The following SLC24A3 variants were observed in gnomAD, a reference collection of about 807,000 sequenced individuals.
SLC24A3 encodes sodium/potassium/calcium exchanger 3.
In SLC24A3, 28 loss-of-function variants were observed where a neutral mutation model predicts 75.8. That is an observed-to-expected ratio of 0.37 (90% CI 0.27 to 0.51). SLC24A3 has a LOEUF of 0.51. Among genes scored for constraint, SLC24A3 ranks in the 20% least tolerant of loss-of-function variants. SLC24A3 has a pLI of 0.94. For synonymous variants in SLC24A3, 372 were observed against 334.1 expected (o/e 1.11, Z -1.24); for missense variants, 663 against 847.8 (o/e 0.78, Z 2.71).
At chr20:19,411,889 T>C (rs1259641931) in intron 2 of SLC24A3, among the ~76,000 whole-genome samples, 1 of 152,150 alleles carries the variant, frequency 6.6e-6, no homozygotes, top group Admixed American at 6.5e-5. Flanking sequence ...TGAACTTCCT[T>C]TGTGTTCATC....
chr20:19,370,527 A>C (rs917861617), intron 2 of SLC24A3, among the ~76,000 whole-genome samples: 1 of 152,248 alleles, frequency 6.6e-6, no homozygotes, highest in African/African-American at 2.4e-5. Flanking sequence ...TATGGCTTGA[A>C]GCCAGACAGT....
rs191968020 is a variant in SLC24A3, at chr20:19,616,217, T to C, written c.612+30673T>C. Among the ~76,000 whole-genome samples, 52 of 152,292 alleles carry C rather than the reference T, an allele frequency of 3.4e-4. 1 individual carries two copies. In the East Asian group the frequency reaches 9.7e-3, roughly 28 times the overall value. On this transcript the variant is annotated intron_variant, in intron 6 of 16. Coordinates refer to ENST00000328041, the MANE Select transcript of SLC24A3 (RefSeq NM_020689.4). The stretch of plus-strand genomic sequence containing the variant: ...ATACCACTGCCTCTGTGTCAGTGGA[T>C]GTGGGCCTTCCAGGAAGGGTGTGAT...
Position 19,212,861 on chromosome 20 carries a change from G to T in SLC24A3, c.19G>T (p.Glu7Ter). Residue 7 changes from glutamate (E) to a stop codon, truncating the protein, a stop_gained, in exon 1 of 17, where the codon GAG becomes TAG. Coordinates refer to ENST00000328041, the MANE Select transcript of SLC24A3 (RefSeq NM_020689.4). LOFTEE classifies it high-confidence loss of function. MRPSGD[E>*]DRARRRRRRR... ...CCCGAGGATGCGGCCGTCCGGCGAC[G>T]AGGACCGCGCGCGTCGCCGCCGCCG... is the stretch of plus-strand genomic sequence containing the variant. 1 of 1,203,410 alleles carries T rather than the reference G, an allele frequency of 8.3e-7. No homozygotes were observed. The highest frequency in any genetic ancestry group is 1.6e-5 in the African/African-American group (1 of 62,224). 74.5% of individuals were successfully genotyped at this position (1,203,410 alleles called of 1,614,324 possible). A position where few individuals can be genotyped will look rare whatever the true frequency, so the allele number is the denominator to read the frequency against.
chr20:19,411,779 C>T (rs1008109086), intron 2 of SLC24A3, among the ~76,000 whole-genome samples: 18 of 152,192 alleles, frequency 1.2e-4, no homozygotes, highest in African/African-American at 3.4e-4. Flanking sequence ...CAACCTCTGA[C>T]GCGTTGATCT....
intron 2 of SLC24A3, among the ~76,000 whole-genome samples, chr20:19,510,165 G>A (rs1484837154): frequency 1.3e-5 from 2 of 152,184 alleles, no homozygotes; most frequent in Admixed American, 6.5e-5. Flanking sequence ...TTTACATTCT[G>A]TGCTGCAGGG....
At chr20:19,675,300 C>T (rs2032510775) in intron 9 of SLC24A3, among the ~76,000 whole-genome samples, 1 of 152,136 alleles carries the variant, frequency 6.6e-6, no homozygotes, top group East Asian at 1.9e-4. Flanking sequence ...TCTCTAGGGG[C>T]AAGAAAGTAG....
chr20:19,501,814 T>G (rs1280653815), intron 2 of SLC24A3, among the ~76,000 whole-genome samples: 2 of 152,142 alleles, frequency 1.3e-5, no homozygotes, highest in Non-Finnish European at 2.9e-5. Flanking sequence ...TAAGTTGACA[T>G]GCAATTAGCT....
chr20:19,675,644 T>A (rs993978932), intron 9 of SLC24A3, among the ~76,000 whole-genome samples: 2 of 152,148 alleles, frequency 1.3e-5, no homozygotes, highest in African/African-American at 4.8e-5. Context: ...AGGACCTTAG[T>A]CATACATATC....
chr20:19,322,558 G>A (rs1256627381), intron 2 of SLC24A3, among the ~76,000 whole-genome samples: 1 of 152,054 alleles, frequency 6.6e-6, no homozygotes, highest in East Asian at 1.9e-4. Flanking sequence ...TTTCTTTCCT[G>A]TGTGGGTATT....
In SLC24A3 at chr20:19,378,928, A is replaced by G. The variant is rs527612379; in HGVS notation, c.271+97841A>G. Among the ~76,000 whole-genome samples the G allele has an allele frequency of 2.8e-3, 416 of 151,100 alleles. 2 individuals are homozygous for G. The highest frequency in any genetic ancestry group is 6.9e-3 in the Middle Eastern group (2 of 290). The stretch of plus-strand genomic sequence containing the variant: ...AGCTCAAAAAAAAAAAAAAGGATGC[A>G]GTGGGGGTAATTATAGACCCCAAGA... On this transcript the variant is annotated intron_variant, in intron 2 of 16. Transcript: ENST00000328041.
chr20:19,370,510 A>G (rs908701240), intron 2 of SLC24A3, among the ~76,000 whole-genome samples: 1 of 152,230 alleles, frequency 6.6e-6, no homozygotes, highest in Admixed American at 6.5e-5. Flanking sequence ...GGCAAGCCTC[A>G]TGGTCCTATG....
intron 2 of SLC24A3, among the ~76,000 whole-genome samples, chr20:19,410,841 T>G (rs1986731463): frequency 6.6e-6 from 1 of 152,222 alleles, no homozygotes; most frequent in African/African-American, 2.4e-5. Flanking sequence ...AACATTTTCC[T>G]GTGAAAGGCA....
At chr20:19,578,060 G>A (rs563879874) in intron 3 of SLC24A3, among the ~76,000 whole-genome samples, 14 of 152,306 alleles carry the variant, frequency 9.2e-5, no homozygotes, top group South Asian at 4.1e-4. Context: ...CTGGGGCTAC[G>A]TTAGTGCAAC....
chr20:19,402,730 G>A (rs1199142771), intron 2 of SLC24A3, among the ~76,000 whole-genome samples: 3 of 152,188 alleles, frequency 2.0e-5, no homozygotes, highest in Admixed American at 2.0e-4. Flanking sequence ...TTTGGTTGCA[G>A]CAAGTTCTAG....
At chr20:19,393,119 T>C (rs1234957542) in intron 2 of SLC24A3, among the ~76,000 whole-genome samples, 3 of 152,244 alleles carry the variant, frequency 2.0e-5, no homozygotes, top group Non-Finnish European at 4.4e-5. Flanking sequence ...TTATTAAAAA[T>C]ATGCATAATC....
chr20:19,412,404 A>G (rs1986758078), intron 2 of SLC24A3, among the ~76,000 whole-genome samples: 1 of 152,162 alleles, frequency 6.6e-6, no homozygotes, highest in South Asian at 2.1e-4. Flanking sequence ...GAAGAAGAAA[A>G]GAAAAAGAAG....
At chr20:19,712,634 A>T (rs866865592) in intron 15 of SLC24A3, among the ~76,000 whole-genome samples, 2 of 152,172 alleles carry the variant, frequency 1.3e-5, no homozygotes, top group Middle Eastern at 3.2e-3. Context: ...GCCCTCCTCG[A>T]TCTTCATTAA....
At position 19,685,330 on chromosome 20, in the gene SLC24A3, T is replaced by C. The variant is rs545537014; in HGVS notation, c.1293T>C (p.Asp431=). The change falls in exon 12 of 17, where the codon GAT becomes GAC. Residue 431 remains aspartate (D), a synonymous_variant. Transcript: ENST00000328041. ...DEEEEEDEDD[D]EGPYTPFDTP... is the part of the protein sequence containing the mutation. ...AGGAAGAGGAGGACGAGGATGATGA[T>C]GAAGGACCGTACACACCATTCGACA... 17 of 1,614,158 alleles carry C rather than the reference T, an allele frequency of 1.1e-5. No individual in the cohort carries two copies. Among genetic ancestry groups the C allele is most frequent in the South Asian group, 7.7e-5 (7 of 91,070 alleles).
In SLC24A3 at chr20:19,376,837, C is replaced by T. The variant is rs752875378; in HGVS notation, c.271+95750C>T. On this transcript the variant is annotated intron_variant, in intron 2 of 16. Transcript: ENST00000328041. ...AAAGTCCTGCAGGCGAGTGGAGATTCGGGGCAAAGACGGCCAGGTGGAGCC... is the reference window on the plus strand; with the variant it reads ...AAAGTCCTGCAGGCGAGTGGAGATTTGGGGCAAAGACGGCCAGGTGGAGCC... Among the ~76,000 whole-genome samples, 5 of 152,154 alleles carry T rather than the reference C, an allele frequency of 3.3e-5. No individual in the cohort carries two copies. In the East Asian group the frequency reaches 5.8e-4, roughly 18 times the overall value.
Sources: allele counts gnomAD v4.1 joint callset (sites outside exome capture counted in the v4.1 genomes callset), GRCh38; gene constraint gnomAD v4.1.1; transcripts MANE v1.5; gene names NCBI Gene and HGNC (gene_info 2026-07-23, HGNC 2026-07-21).